FDFT1: variants seen among roughly 807,000 people sequenced by gnomAD.
FDFT1 encodes the protein squalene synthase.
A neutral mutation model predicts 46.8 loss-of-function variants in FDFT1; 68 were observed. That is an observed-to-expected ratio of 1.45 (90% CI 1.19 to 1.78). The LOEUF (loss-of-function observed/expected upper bound fraction) is 1.78. Among genes scored for constraint, FDFT1 ranks in the 40% most tolerant of loss-of-function variants. FDFT1 has a pLI of 0.00. For missense variants in FDFT1, 928 were observed against 524.4 expected, an observed-to-expected ratio of 1.77 and a Z score of -7.52; for synonymous variants, 351 against 185.1, an observed-to-expected ratio of 1.90 and a Z score of -7.28.
At chr8:11,827,571 C>G (rs537064213) in intron 5 of FDFT1, among the ~76,000 whole-genome samples, 1 of 150,794 alleles carries the variant, frequency 6.6e-6, no homozygotes, top group Non-Finnish European at 1.5e-5. Context: ...AGAGCAGATA[C>G]AGGGTTCATA....
chr8:11,808,517 C>A (rs1807207461), intron 1 of FDFT1: 20 of 1,333,572 alleles, frequency 1.5e-5, no homozygotes, highest in Non-Finnish European at 1.9e-5. Flanking sequence ...CCGCGATTCC[C>A]ATGGCCGCAG....
chr8:11,827,321 A>G (rs1810136215), intron 5 of FDFT1, among the ~76,000 whole-genome samples: 1 of 152,180 alleles, frequency 6.6e-6, no homozygotes, highest in African/African-American at 2.4e-5. Flanking sequence ...TGAAAGAGCA[A>G]AAATAAAAAT....
intron 5 of FDFT1, among the ~76,000 whole-genome samples, chr8:11,827,895 C>CAA (rs370249841): frequency 5.8e-5 from 8 of 137,492 alleles, no homozygotes; most frequent in Admixed American, 3.6e-4. Context: ...CAAAACAAAA[C>CAA]AAAACAAAAA....
chr8:11,823,812 A>G (rs1026455830), intron 4 of FDFT1, among the ~76,000 whole-genome samples: 3 of 152,078 alleles, frequency 2.0e-5, no homozygotes, highest in Non-Finnish European at 4.4e-5. Context: ...GGCATGATCA[A>G]GGCTCACTGC....
chr8:11,825,402 G>A (rs1461867655), intron 4 of FDFT1, among the ~76,000 whole-genome samples: 1 of 152,010 alleles, frequency 6.6e-6, no homozygotes, highest in African/African-American at 2.4e-5. Flanking sequence ...TTAGCTGGAT[G>A]TGGTGGTGGG....
Position 11,821,777 on chromosome 8 carries a change from G to A in FDFT1, c.409G>A (p.Glu137Lys), listed in dbSNP as rs1809283211. The A allele has an allele frequency of 6.2e-7, 1 of 1,613,528 alleles. No individual in the cohort carries two copies. Among genetic ancestry groups the A allele is most frequent in the Non-Finnish European group, 8.5e-7 (1 of 1,179,604 alleles). Residue 137 changes from glutamate (E) to lysine (K), a missense_variant, in exon 4 of 8, where the codon GAG becomes AAG. Glu to Lys is a moderately conservative substitution (Grantham distance 56). Transcript: ENST00000220584. ...CTCCCTTGAGTTTAGAAATCTGGCT[G>A]AGAAATACCAAACAGTGATTGCCGA... ...TISLEFRNLA[E>K]KYQTVIADIC... is the part of the protein sequence containing the mutation.
chr8:11,808,759 C>A (rs780719018), intron 1 of FDFT1, 35 bp from the exon 2 acceptor site: 1 of 1,608,350 alleles, frequency 6.2e-7, no homozygotes, highest in Non-Finnish European at 8.5e-7. Context: ...TGCTCCTCGA[C>A]GTCTCCCACC....
chr8:11,825,431 T>C lies in FDFT1; in HGVS notation c.511-593T>C, dbSNP rs527870226. On this transcript the variant is annotated intron_variant, in intron 4 of 7. Transcript: ENST00000220584. The stretch of plus-strand genomic sequence containing the variant: ...TGGTGGGTGCTTTAATTCCAGCTAC[T>C]CAGGAAGCTGAGGCAGGAGAATCAC... Among the ~76,000 whole-genome samples the C allele has an allele frequency of 2.0e-5, 3 of 150,582 alleles. No homozygotes were observed. The South Asian group carries it at 6.3e-4, about 32-fold the overall frequency.
At chr8:11,801,010 TATAG>T (rs1379570711), upstream of FDFT1, among the ~76,000 whole-genome samples, 20 of 152,040 alleles carry the variant, frequency 1.3e-4, no homozygotes, top group Non-Finnish European at 1.2e-4. Context: ...ATATGGTAAA[TATAG>T]GCAAGTAGAC....
At chr8:11,815,792 C>G (rs919351767) in intron 3 of FDFT1, among the ~76,000 whole-genome samples, 1 of 152,078 alleles carries the variant, frequency 6.6e-6, no homozygotes, top group African/African-American at 2.4e-5. Context: ...GGATAAATTA[C>G]AAAAATTTTC....
chr8:11,807,179 G>T (rs893686887), intron 1 of FDFT1, among the ~76,000 whole-genome samples: 1 of 151,798 alleles, frequency 6.6e-6, no homozygotes, highest in African/African-American at 2.4e-5. Context: ...TTTGAGATGG[G>T]GTCCCACTCT....
At chr8:11,797,236 A>T (rs1236006049) in intron 1 of FDFT1, among the ~76,000 whole-genome samples, 2 of 152,096 alleles carry the variant, frequency 1.3e-5, no homozygotes, top group African/African-American at 4.8e-5. Context: ...CTCGCCTTCT[A>T]TCTCATTTTG....
upstream of FDFT1, chr8:11,802,586 C>A: frequency 1.6e-6 from 1 of 624,372 alleles, no homozygotes; most frequent in Non-Finnish European, 3.0e-6. Flanking sequence ...TGGCCGGGGT[C>A]TTCCTAGTGT....
chr8:11,818,710 A>T (rs1216088830), intron 3 of FDFT1, among the ~76,000 whole-genome samples: 6 of 150,720 alleles, frequency 4.0e-5, no homozygotes, highest in African/African-American at 1.2e-4. Context: ...CGCTTGGTAG[A>T]TCTTCCTCCA....
chr8:11,834,949 C>A (rs911796370), intron 7 of FDFT1, among the ~76,000 whole-genome samples: 1 of 152,284 alleles, frequency 6.6e-6, no homozygotes, highest in Admixed American at 6.5e-5. Context: ...TATGGCAAAA[C>A]CCTGTCTCTA....
In FDFT1 at chr8:11,810,546, G is replaced by C. The variant is rs556808091; in HGVS notation, c.381+696G>C. Among the ~76,000 whole-genome samples the C allele has an allele frequency of 2.0e-5, 3 of 152,320 alleles. No individual in the cohort carries two copies. In the East Asian group the frequency reaches 5.8e-4, roughly 29 times the overall value. ...TATAAAGTACTTAGTGCCTGGTACA[G>C]GGTAAGTATTCTGTAAGTATTAGCT... is the stretch of plus-strand genomic sequence containing the variant. On this transcript the variant is annotated intron_variant, in intron 3 of 7. Coordinates refer to ENST00000220584, the MANE Select transcript of FDFT1 (RefSeq NM_004462.5).
At chr8:11,821,606 A>T in intron 3 of FDFT1, 144 bp from the exon 4 acceptor site, 1 of 982,744 alleles carries the variant, frequency 1.0e-6, no homozygotes, top group South Asian at 1.5e-5. Context: ...CAAAAACAAA[A>T]ACAAAAAAAA....
At chr8:11,821,499 G>C (rs1809240029) in intron 3 of FDFT1, among the ~76,000 whole-genome samples, 1 of 152,222 alleles carries the variant, frequency 6.6e-6, no homozygotes, top group South Asian at 2.1e-4. Context: ...GCTGAGGCAG[G>C]AGAATCATTT....
chr8:11,804,559 G>C (rs1330315239), intron 1 of FDFT1, among the ~76,000 whole-genome samples: 1 of 149,496 alleles, frequency 6.7e-6, no homozygotes, highest in East Asian at 1.9e-4. Flanking sequence ...AAATAAATTG[G>C]AAAAATACAT....
Sources: gnomAD v4.1 joint callset for allele counts (sites outside exome capture counted in the v4.1 genomes callset) on GRCh38, gnomAD v4.1.1 for gene constraint, MANE v1.5 for transcripts, NCBI Gene and HGNC (gene_info 2026-07-23, HGNC 2026-07-21) for gene names.